Variants in LTBP1 observed in about 807,000 individuals in gnomAD.
LTBP1 encodes the protein latent-transforming growth factor beta-binding protein 1.
In LTBP1, 129 loss-of-function variants were observed where a neutral mutation model predicts 207.6. That is an observed-to-expected ratio of 0.62 (90% confidence interval 0.54 to 0.72). LTBP1 has a LOEUF of 0.72. LTBP1 is among the 30% of genes least tolerant of loss of function. The probability of loss-of-function intolerance (pLI) is 0.00; values close to 1 mark genes in which losing one functional copy is unlikely to be tolerated. For synonymous variants in LTBP1, 963 were observed against 833.7 expected (o/e 1.16, Z -2.67); for missense variants, 2,281 against 2,217.2 (o/e 1.03, Z -0.58).
At chr2:33,376,027 A>G (rs1413078491) in intron 31 of LTBP1, among the ~76,000 whole-genome samples, 2 of 152,192 alleles carry the variant, frequency 1.3e-5, no homozygotes, top group African/African-American at 2.4e-5. Flanking sequence ...ATTAAACTTA[A>G]AAGTTATTTC....
chr2:33,350,649 A>G (rs2094768775), intron 26 of LTBP1, among the ~76,000 whole-genome samples: 1 of 152,166 alleles, frequency 6.6e-6, no homozygotes, highest in Non-Finnish European at 1.5e-5. Flanking sequence ...TTGGCCACTA[A>G]TTTACATTGC....
chr2:33,048,791 A>T (rs2076577373), intron 3 of LTBP1, among the ~76,000 whole-genome samples: 1 of 152,188 alleles, frequency 6.6e-6, no homozygotes. Context: ...ATAGCCAAAA[A>T]ATCTTACAGT....
chr2:32,985,961 G>A (rs2148791754), intron 2 of LTBP1, among the ~76,000 whole-genome samples: 1 of 152,172 alleles, frequency 6.6e-6, no homozygotes, highest in Non-Finnish European at 1.5e-5. Flanking sequence ...TGTTTCTGAA[G>A]GAAGGACATC....
rs116587883 is a variant in LTBP1 at position 33,368,297 on chromosome 2, A to G, written c.4711+2794A>G. Among the ~76,000 whole-genome samples, 366 of 152,304 alleles carry G rather than the reference A, an allele frequency of 2.4e-3. 2 individuals carry two copies. The highest frequency in any genetic ancestry group is 8.3e-3 in the African/African-American group (346 of 41,562). ...AGATTTCTCAAAGAACTAAAAATAG[A>G]ACTACCCGGCGATCCCACTAACTGG... On this transcript the variant is annotated intron_variant, in intron 31 of 33. Transcript: ENST00000404816.
At chr2:32,971,581 G>C (rs962593625) in intron 2 of LTBP1, among the ~76,000 whole-genome samples, 6 of 151,834 alleles carry the variant, frequency 4.0e-5, no homozygotes, top group Non-Finnish European at 8.8e-5. Context: ...CCCTCTTTTT[G>C]TGATAGATCA....
At chr2:33,007,613 G>A (rs1687111446) in intron 2 of LTBP1, among the ~76,000 whole-genome samples, 1 of 152,176 alleles carries the variant, frequency 6.6e-6, no homozygotes. Context: ...AGCATATTGT[G>A]CTTGACTCAT....
intron 24 of LTBP1, among the ~76,000 whole-genome samples, chr2:33,325,739 T>C (rs966213962): frequency 3.3e-5 from 5 of 152,236 alleles, no homozygotes; most frequent in African/African-American, 1.2e-4. Context: ...CCTAAAGAAC[T>C]GTTTCTGAAC....
chr2:33,168,363 G>C (rs969727881), intron 5 of LTBP1, among the ~76,000 whole-genome samples: 2 of 145,740 alleles, frequency 1.4e-5, no homozygotes, highest in Admixed American at 7.0e-5. Flanking sequence ...TCTAGCCTGA[G>C]GGACAAAGTG....
intron 5 of LTBP1, among the ~76,000 whole-genome samples, chr2:33,135,239 G>C (rs1465944917): frequency 6.6e-6 from 1 of 152,118 alleles, no homozygotes; most frequent in Non-Finnish European, 1.5e-5. Context: ...GAAGAGAAGA[G>C]AGTAGGTTTT....
intron 19 of LTBP1, among the ~76,000 whole-genome samples, chr2:33,288,667 A>G (rs1229570743): frequency 2.0e-5 from 3 of 152,120 alleles, no homozygotes; most frequent in Non-Finnish European, 4.4e-5. Flanking sequence ...CATCCTGGCT[A>G]ACACAGTGAA....
In LTBP1 at chr2:33,134,328, G is replaced by A; in HGVS notation, c.1034-465G>A. ...ATTTCCAGGGGTCGGGCTGCAAATA[G>A]TGACTTAATAAGTGGAGAAACAGGG... On this transcript the variant is annotated intron_variant, in intron 4 of 33. Coordinates refer to ENST00000404816, the MANE Select transcript of LTBP1 (RefSeq NM_206943.4). This position sits in a 1 kb window ranked among gnomAD's most constrained non-coding sequence, Gnocchi z 4.4. 2 of 430,522 alleles carry A rather than the reference G, an allele frequency of 4.6e-6. No individual in the cohort carries two copies. Among genetic ancestry groups the A allele is most frequent in the Non-Finnish European group, 9.4e-6 (2 of 211,906 alleles). 26.7% of individuals were successfully genotyped at this position (430,522 alleles called of 1,614,324 possible). A position where few individuals can be genotyped will look rare whatever the true frequency, so the allele number is the denominator to read the frequency against.
At chr2:33,203,872 T>A (rs2149145135) in intron 7 of LTBP1, among the ~76,000 whole-genome samples, 1 of 152,284 alleles carries the variant, frequency 6.6e-6, no homozygotes, top group Non-Finnish European at 1.5e-5. Context: ...AAGATGACAG[T>A]TCTGAGCATG....
chr2:33,089,735 G>T (rs565814696), intron 3 of LTBP1, among the ~76,000 whole-genome samples: 1 of 152,162 alleles, frequency 6.6e-6, no homozygotes, highest in Non-Finnish European at 1.5e-5. Context: ...TTATGCTATG[G>T]TTCCTGACGT....
At chr2:33,302,661 C>T (rs1439999607) in intron 22 of LTBP1, among the ~76,000 whole-genome samples, 1 of 152,078 alleles carries the variant, frequency 6.6e-6, no homozygotes, top group Non-Finnish European at 1.5e-5. Flanking sequence ...TTTTAAAGGC[C>T]TTAAAGTGTA....
At chr2:32,992,465 T>C (rs1163327333) in intron 2 of LTBP1, among the ~76,000 whole-genome samples, 4 of 152,152 alleles carry the variant, frequency 2.6e-5, no homozygotes, top group African/African-American at 4.8e-5. Flanking sequence ...GAGTATCTTA[T>C]TTGCTCAGCA....
chr2:33,044,376 G>A (rs202175203), intron 3 of LTBP1, among the ~76,000 whole-genome samples: 36 of 151,800 alleles, frequency 2.4e-4, no homozygotes, highest in African/African-American at 8.5e-4. Flanking sequence ...TTGGTTTTCT[G>A]TTCCTGTGTT....
At chr2:33,365,189 A>C in intron 30 of LTBP1, 144 bp from the exon 31 acceptor site, 1 of 680,970 alleles carries the variant, frequency 1.5e-6, no homozygotes, top group South Asian at 1.9e-5. Flanking sequence ...TGATCCATTG[A>C]AAGACCAGAC....
intron 10 of LTBP1, among the ~76,000 whole-genome samples, chr2:33,252,084 T>C (rs897933091): frequency 6.6e-6 from 1 of 152,222 alleles, no homozygotes; most frequent in Non-Finnish European, 1.5e-5. Context: ...CTTCCTTCTC[T>C]GGTGTACTGT....
chr2:33,264,605 A>C (rs1303022307), intron 15 of LTBP1, among the ~76,000 whole-genome samples: 1 of 152,218 alleles, frequency 6.6e-6, no homozygotes, highest in Non-Finnish European at 1.5e-5. Flanking sequence ...GTAGGAAAAA[A>C]CAATACCAAG....
Sources: allele counts gnomAD v4.1 joint callset (sites outside exome capture counted in the v4.1 genomes callset), GRCh38; gene constraint gnomAD v4.1.1; non-coding constraint Gnocchi (gnomAD v3.1); transcripts MANE v1.5; gene names NCBI Gene and HGNC (gene_info 2026-07-23, HGNC 2026-07-21).